CERS6: variants seen among roughly 807,000 people sequenced by gnomAD.
CERS6 encodes LAG1 homolog, ceramide synthase 6.
CERS6 carries 26 observed loss-of-function variants against 56.8 expected under a neutral mutation model. That is an observed-to-expected ratio of 0.46 (90% CI 0.34 to 0.63). CERS6 has a LOEUF of 0.63. CERS6 is among the 30% of genes least tolerant of loss of function. The pLI is 0.01. For missense variants in CERS6, 415 were observed against 467.5 expected, an observed-to-expected ratio of 0.89 and a Z score of 1.04; for synonymous variants, 164 against 173.3, an observed-to-expected ratio of 0.95 and a Z score of 0.42.
chr2:168,651,604 A>G (rs980642074), intron 4 of CERS6, among the ~76,000 whole-genome samples: 1 of 152,202 alleles, frequency 6.6e-6, no homozygotes, highest in Admixed American at 6.5e-5. Flanking sequence ...CACATTTTAC[A>G]TGGTGCAGGA....
intron 1 of CERS6, among the ~76,000 whole-genome samples, chr2:168,481,419 A>G (rs1398664891): frequency 6.6e-6 from 1 of 152,212 alleles, no homozygotes; most frequent in Admixed American, 6.5e-5. Context: ...GTCTCAAAAA[A>G]AAACGGACAG....
chr2:168,714,777 A>C lies in CERS6; in HGVS notation c.610-224A>C, dbSNP rs1318524846. On this transcript the variant is annotated intron_variant, in intron 6 of 9. Coordinates refer to ENST00000305747, the MANE Select transcript of CERS6 (RefSeq NM_203463.3). The stretch of plus-strand genomic sequence containing the variant: ...AGGAAGTGGGCCCTCTCCAGATACC[A>C]AATCTGCCAGAGCCTTGATCTTGGG... Among the ~76,000 whole-genome samples the C allele has an allele frequency of 3.3e-5, 5 of 152,176 alleles. No homozygotes were observed. In the East Asian group the frequency reaches 9.6e-4, roughly 29 times the overall value.
chr2:168,728,544 G>T (rs558477899), intron 8 of CERS6, among the ~76,000 whole-genome samples: 1 of 151,206 alleles, frequency 6.6e-6, no homozygotes, highest in Non-Finnish European at 1.5e-5. Context: ...CACCCACCAC[G>T]CCCAGCTAAT....
chr2:168,484,697 G>T (rs1694244067), intron 1 of CERS6, among the ~76,000 whole-genome samples: 2 of 151,992 alleles, frequency 1.3e-5, no homozygotes, highest in South Asian at 4.2e-4. Flanking sequence ...GTATGTATGG[G>T]TTTTTTTCCC....
intron 1 of CERS6, among the ~76,000 whole-genome samples, chr2:168,466,256 A>C (rs535775803): frequency 1.6e-3 from 242 of 152,158 alleles, no homozygotes; most frequent in African/African-American, 4.8e-3. Flanking sequence ...AGGAGAGCAA[A>C]GTGTCTGTAG....
At chr2:168,534,558 G>A (rs1014327021) in intron 1 of CERS6, among the ~76,000 whole-genome samples, 7 of 152,228 alleles carry the variant, frequency 4.6e-5, no homozygotes, top group African/African-American at 1.7e-4. Context: ...GTCGGGAGAT[G>A]TCACTCAAGG....
At chr2:168,738,804 G>A (rs1366260252) in intron 8 of CERS6, among the ~76,000 whole-genome samples, 1 of 152,156 alleles carries the variant, frequency 6.6e-6, no homozygotes, top group African/African-American at 2.4e-5. Context: ...CTAACATTGG[G>A]CAGCCAGCTG....
chr2:168,772,750 T>TA lies in CERS6; in HGVS notation c.*3093dup, dbSNP rs1474266415. 6.6e-6 allele frequency: 1 copy of TA among 152,624 alleles called. No individual in the cohort carries two copies. The highest frequency in any genetic ancestry group is 1.5e-5 in the Non-Finnish European group (1 of 68,026). 9.5% of individuals were successfully genotyped at this position (152,624 alleles called of 1,614,324 possible). A position where few individuals can be genotyped will look rare whatever the true frequency, so the allele number is the denominator to read the frequency against. ...TTTTGGATTATTCAAGTGTATGTGG[T>TA]AAAAATGCAGATGATTGCTGCTTTA... On this transcript the variant is annotated 3_prime_UTR_variant, in exon 10 of 10. Coordinates refer to ENST00000305747, the MANE Select transcript of CERS6 (RefSeq NM_203463.3).
intron 4 of CERS6, among the ~76,000 whole-genome samples, chr2:168,632,781 G>A (rs962345399): frequency 1.3e-5 from 2 of 152,134 alleles, no homozygotes; most frequent in African/African-American, 4.8e-5. Context: ...TGGGAAGGTC[G>A]GGTTGTTAAC....
intron 6 of CERS6, among the ~76,000 whole-genome samples, chr2:168,697,739 C>G (rs1011528946): frequency 6.6e-6 from 1 of 152,074 alleles, no homozygotes; most frequent in African/African-American, 2.4e-5. Context: ...AGGTAGTTAG[C>G]CTTTAACAGC....
chr2:168,519,533 C>T (rs73020556), intron 1 of CERS6, among the ~76,000 whole-genome samples: 4,061 of 152,180 alleles, frequency 0.027, 159 homozygotes, highest in African/African-American at 0.093. Flanking sequence ...CCCCACCTTC[C>T]CCTTTTGGAA....
chr2:168,482,033 T>G (rs1201602082), intron 1 of CERS6, among the ~76,000 whole-genome samples: 3 of 152,208 alleles, frequency 2.0e-5, no homozygotes, highest in Non-Finnish European at 4.4e-5. Flanking sequence ...CCAGTAAATA[T>G]GAACAATTTT....
chr2:168,562,087 T>G (rs1695799682), intron 3 of CERS6, among the ~76,000 whole-genome samples: 1 of 152,240 alleles, frequency 6.6e-6, no homozygotes, highest in South Asian at 2.1e-4. Context: ...CTATGTCTTC[T>G]AACAGTCCCT....
At chr2:168,736,626 T>C (rs773899044) in intron 8 of CERS6, among the ~76,000 whole-genome samples, 1 of 152,204 alleles carries the variant, frequency 6.6e-6, no homozygotes, top group African/African-American at 2.4e-5. Flanking sequence ...TAAGGGTACC[T>C]ATGTAGAGGA....
At chr2:168,479,716 C>G (rs563871181) in intron 1 of CERS6, among the ~76,000 whole-genome samples, 10 of 152,274 alleles carry the variant, frequency 6.6e-5, no homozygotes, top group African/African-American at 2.4e-4. Flanking sequence ...TTAAGTGATT[C>G]TCCTGCCTCA....
intron 1 of CERS6, among the ~76,000 whole-genome samples, chr2:168,510,507 G>A (rs560745467): frequency 2.6e-5 from 4 of 152,306 alleles, no homozygotes; most frequent in East Asian, 1.9e-4. Flanking sequence ...TGTAGTGGAC[G>A]ATACCTTCCA....
chr2:168,588,061 A>G (rs1683585371), intron 3 of CERS6, among the ~76,000 whole-genome samples: 1 of 147,166 alleles, frequency 6.8e-6, no homozygotes, highest in African/African-American at 2.5e-5. Context: ...CTGAAGATGT[A>G]TGCCACCATA....
intron 3 of CERS6, among the ~76,000 whole-genome samples, chr2:168,607,350 C>T (rs1268671082): frequency 6.6e-6 from 1 of 152,066 alleles, no homozygotes; most frequent in Non-Finnish European, 1.5e-5. Flanking sequence ...TTAAGTTACT[C>T]TTCCCAGTAA....
At chr2:168,460,903 T>A (rs964128229) in intron 1 of CERS6, among the ~76,000 whole-genome samples, 1 of 152,202 alleles carries the variant, frequency 6.6e-6, no homozygotes, top group African/African-American at 2.4e-5. Context: ...TCTGAGGGAA[T>A]GTCTGGCCAG....
Sources: allele counts gnomAD v4.1 joint callset (sites outside exome capture counted in the v4.1 genomes callset), GRCh38; gene constraint gnomAD v4.1.1; transcripts MANE v1.5; gene names NCBI Gene and HGNC (gene_info 2026-07-23, HGNC 2026-07-21).